Variants in NTM observed in about 807,000 individuals in gnomAD.
NTM encodes neurotrimin.
A neutral mutation model predicts 42.1 loss-of-function variants in NTM; 13 were observed. That is an observed-to-expected ratio of 0.31 (90% CI 0.20 to 0.49). The LOEUF is 0.49. Ranked by LOEUF, NTM falls within the 20% of genes least tolerant of loss-of-function variation. The probability of loss-of-function intolerance (pLI) is 0.99; values close to 1 mark genes in which losing one functional copy is unlikely to be tolerated. For synonymous variants in NTM, 187 were observed against 179.2 expected, an observed-to-expected ratio of 1.04 and a Z score of -0.35; for missense variants, 373 against 452.8, an observed-to-expected ratio of 0.82 and a Z score of 1.60.
intron 1 of NTM, among the ~76,000 whole-genome samples, chr11:131,760,260 C>T (rs1037861841): frequency 6.6e-6 from 1 of 152,040 alleles, no homozygotes; most frequent in African/African-American, 2.4e-5. Flanking sequence ...ATGCATATTG[C>T]GGTTGATCAT....
At chr11:131,467,945 G>A (rs1952053197) in intron 1 of NTM, among the ~76,000 whole-genome samples, 1 of 152,160 alleles carries the variant, frequency 6.6e-6, no homozygotes, top group Non-Finnish European at 1.5e-5. Flanking sequence ...CTGTCTATGG[G>A]ATTCTGTATT....
chr11:131,634,304 A>G (rs1412963889), intron 1 of NTM, among the ~76,000 whole-genome samples: 1 of 152,244 alleles, frequency 6.6e-6, no homozygotes, highest in African/African-American at 2.4e-5. Flanking sequence ...AAAGTTAACT[A>G]TACTGCAGAC....
intron 1 of NTM, among the ~76,000 whole-genome samples, chr11:131,479,498 C>A (rs191308055): frequency 6.6e-6 from 1 of 152,160 alleles, no homozygotes; most frequent in East Asian, 1.9e-4. Context: ...AACTAAGGGT[C>A]GCCTAAGGTG....
At chr11:132,234,127 G>C (rs1314816287) in intron 4 of NTM, among the ~76,000 whole-genome samples, 5 of 152,124 alleles carry the variant, frequency 3.3e-5, no homozygotes, top group African/African-American at 1.2e-4. Context: ...TCTTAACTGG[G>C]GTTAACAAAA....
intron 2 of NTM, among the ~76,000 whole-genome samples, chr11:132,106,838 T>C (rs2062436906): frequency 6.6e-6 from 1 of 152,124 alleles, no homozygotes; most frequent in African/African-American, 2.4e-5. Flanking sequence ...AGCCCAGAGG[T>C]GTACTGCCAT....
rs140473159 is a variant in NTM at position 132,160,500 on chromosome 11, C to T, written c.400+13986C>T. ...ATATAGCAATCATCTTTTCTTCCTT[C>T]CTTCACCCATCAAATATTCCATGAA... On this transcript the variant is annotated intron_variant, in intron 3 of 8. Transcript: ENST00000683400. Among the ~76,000 whole-genome samples, 36 of 152,332 alleles carry T rather than the reference C, an allele frequency of 2.4e-4. No homozygotes were observed. In the Middle Eastern group the frequency reaches 0.01, roughly 43 times the overall value.
Position 131,492,998 on chromosome 11 carries a change from G to A in NTM, c.82+122110G>A, listed in dbSNP as rs996758116. On this transcript the variant is annotated intron_variant, in intron 1 of 8. Transcript: ENST00000683400. ...TTTGAGAAACTGAGGCAGGCAGATC[G>A]CTTGAGCCCAGAAGCTCAAGACCAG... Among the ~76,000 whole-genome samples, 16 of 152,186 alleles carry A rather than the reference G, an allele frequency of 1.1e-4. 3 individuals carry two copies. The highest frequency in any genetic ancestry group is 9.2e-4 in the Admixed American group (14 of 15,284).
At chr11:131,894,626 C>G (rs2051954198) in intron 1 of NTM, among the ~76,000 whole-genome samples, 1 of 152,074 alleles carries the variant, frequency 6.6e-6, no homozygotes, top group South Asian at 2.1e-4. Context: ...AAACAGAGCA[C>G]CAGTTGTGTT....
At chr11:132,316,128 C>A (rs567558603) in intron 7 of NTM, among the ~76,000 whole-genome samples, 8 of 151,774 alleles carry the variant, frequency 5.3e-5, no homozygotes, top group African/African-American at 1.7e-4. Flanking sequence ...CGCCACCCCC[C>A]ACTTTGACCT....
chr11:132,056,637 T>C (rs2079717900), intron 2 of NTM, among the ~76,000 whole-genome samples: 1 of 152,332 alleles, frequency 6.6e-6, no homozygotes, highest in Middle Eastern at 3.4e-3. Context: ...ACTCAGGGAA[T>C]CTTATATCTT....
intron 7 of NTM, chr11:132,317,662 T>C: frequency 7.7e-7 from 1 of 1,303,932 alleles, no homozygotes; most frequent in South Asian, 1.2e-5. Flanking sequence ...TAGAACTAAA[T>C]GAGCCTACGA....
At chr11:131,675,855 G>A (rs1228717634) in intron 1 of NTM, among the ~76,000 whole-genome samples, 1 of 152,176 alleles carries the variant, frequency 6.6e-6, no homozygotes, top group African/African-American at 2.4e-5. Flanking sequence ...AAAAGAAAAT[G>A]GCCCTGTTTC....
chr11:131,904,159 T>A (rs1281022796), intron 1 of NTM, among the ~76,000 whole-genome samples: 2 of 152,198 alleles, frequency 1.3e-5, no homozygotes, highest in Non-Finnish European at 2.9e-5. Context: ...TGTCTGCTGT[T>A]GTTTTTGGAT....
rs145832729 is a variant in NTM at position 131,835,182 on chromosome 11, T to C, written c.83-76382T>C. Among the ~76,000 whole-genome samples the C allele has an allele frequency of 4.7e-3, 720 of 152,248 alleles. 8 individuals are homozygous for C. The highest frequency in any genetic ancestry group is 0.016 in the African/African-American group (664 of 41,546). On this transcript the variant is annotated intron_variant, in intron 1 of 8. Coordinates refer to ENST00000683400, the MANE Select transcript of NTM (RefSeq NM_001352005.2). ...TTCTGCCAAGATTTAACATATGTATTTGGGCTCAGATCTGAAGATATTTCT... is the reference window on the plus strand; with the variant it reads ...TTCTGCCAAGATTTAACATATGTATCTGGGCTCAGATCTGAAGATATTTCT...
chr11:131,772,548 C>T (rs937038429), intron 1 of NTM, among the ~76,000 whole-genome samples: 1 of 152,156 alleles, frequency 6.6e-6, no homozygotes, highest in Admixed American at 6.5e-5. Flanking sequence ...GAAAACAGGA[C>T]TTCAGCCTTG....
At chr11:131,872,873 C>T (rs1255239125) in intron 1 of NTM, among the ~76,000 whole-genome samples, 1 of 152,092 alleles carries the variant, frequency 6.6e-6, no homozygotes, top group East Asian at 1.9e-4. Flanking sequence ...AATGAGATTG[C>T]TGGGTCAAAT....
At chr11:131,633,197 G>T (rs1174858082) in intron 1 of NTM, among the ~76,000 whole-genome samples, 1 of 152,144 alleles carries the variant, frequency 6.6e-6, no homozygotes, top group Non-Finnish European at 1.5e-5. Flanking sequence ...AATCTAGCAT[G>T]AACTGGGGAG....
chr11:131,615,825 C>A (rs1164966023), intron 1 of NTM, among the ~76,000 whole-genome samples: 3 of 152,148 alleles, frequency 2.0e-5, no homozygotes, highest in Non-Finnish European at 4.4e-5. Flanking sequence ...CCTGTGCATC[C>A]CAGGGAGCTT....
At chr11:131,911,324 A>C in intron 1 of NTM, 1 of 1,468,498 alleles carries the variant, frequency 6.8e-7, no homozygotes, top group East Asian at 2.5e-5. Context: ...TTAGACTCGG[A>C]GGAGTCTGCG....
Sources: allele counts gnomAD v4.1 joint callset (sites outside exome capture counted in the v4.1 genomes callset), GRCh38; gene constraint gnomAD v4.1.1; transcripts MANE v1.5; gene names NCBI Gene and HGNC (gene_info 2026-07-23, HGNC 2026-07-21).